Variants in EPHA6 observed in about 807,000 individuals in gnomAD.
The protein encoded by EPHA6 is ephrin type-A receptor 6.
In EPHA6, 50 loss-of-function variants were observed where a neutral mutation model predicts 112.0. The observed-to-expected ratio is 0.45, with a 90% CI of 0.36 to 0.56. The LOEUF (loss-of-function observed/expected upper bound fraction) is 0.56, where lower values mean the gene tolerates loss of function less well. Among genes scored for constraint, EPHA6 ranks in the 20% least tolerant of loss-of-function variants. The pLI is 0.00. For missense variants in EPHA6, 1,280 were observed against 1,417.4 expected, an observed-to-expected ratio of 0.90 and a Z score of 1.56; for synonymous variants, 529 against 490.7, an observed-to-expected ratio of 1.08 and a Z score of -1.03.
rs115021064 is a variant in EPHA6 at position 97,226,067 on chromosome 3, A to C, written c.1115-197A>C. 4.5e-3 allele frequency among the ~76,000 whole-genome samples: 692 copies of C among 152,284 alleles called. 5 individuals carry two copies. The highest frequency in any genetic ancestry group is 0.016 in the African/African-American group (672 of 41,550). On this transcript the variant is annotated intron_variant, in intron 3 of 17. Coordinates refer to ENST00000389672, the MANE Select transcript of EPHA6 (RefSeq NM_001080448.3). The stretch of plus-strand genomic sequence containing the variant: ...TTAAAAATTAGCAGCCTCAGCTAAA[A>C]TATGATTGCATTGTGGTTTTATTAA...
rs915477300 is a variant in EPHA6, at chr3:96,987,258, AAT to A, written c.451-71_451-70del. ...ATTTTTATTTTGGTAAAACAAAAAA[AAT>A]TGTAAGTAATCATTTCTGTTTAATC... is the stretch of plus-strand genomic sequence containing the variant. On this transcript the variant is annotated intron_variant, in intron 2 of 17. Transcript: ENST00000389672. 2.2e-6 allele frequency: 3 copies of A among 1,369,132 alleles called. No homozygotes were observed. In the African/African-American group the frequency reaches 4.4e-5, roughly 20 times the overall value. The allele number at this position is 1,369,132 out of a possible 1,614,324, so 84.8% of individuals were successfully genotyped here.
intron 2 of EPHA6, among the ~76,000 whole-genome samples, chr3:96,882,674 C>G (rs1450340284): frequency 6.6e-6 from 1 of 151,832 alleles, no homozygotes; most frequent in Admixed American, 6.6e-5. Context: ...ATCCAGGTCA[C>G]TGATAATGCT....
chr3:97,037,492 G>A (rs1270658423), intron 3 of EPHA6, among the ~76,000 whole-genome samples: 1 of 152,034 alleles, frequency 6.6e-6, no homozygotes, highest in Non-Finnish European at 1.5e-5. Flanking sequence ...GAATACTGAT[G>A]TGTCAGCAGT....
At chr3:97,645,968 G>A (rs764048484) in intron 14 of EPHA6, 3 of 467,662 alleles carry the variant, frequency 6.4e-6, no homozygotes, top group Non-Finnish European at 1.1e-5. Context: ...ATAGATAAAG[G>A]TTGGGTTTTG....
intron 5 of EPHA6, among the ~76,000 whole-genome samples, chr3:97,393,449 G>T (rs1211816186): frequency 1.3e-5 from 2 of 151,786 alleles, no homozygotes; most frequent in Non-Finnish European, 3.0e-5. Flanking sequence ...TTATCAAAGA[G>T]AAATTAAAAA....
Position 97,448,733 on chromosome 3 carries a change from A to G in EPHA6, c.1894+3A>G, listed in dbSNP as rs754000421. 6.2e-7 allele frequency: 1 copy of G among 1,612,946 alleles called. No individual in the cohort carries two copies. The highest frequency in any genetic ancestry group is 8.5e-7 in the Non-Finnish European group (1 of 1,179,118). ...TGAATTTGAAACAGGAGATGAAAGT[A>G]AGTTTCACACAAGGATATAACATAA... On this transcript the variant is annotated splice_donor_region_variant and intron_variant, in intron 7 of 17. Transcript: ENST00000389672.
At chr3:97,265,867 C>G (rs527783951) in intron 5 of EPHA6, among the ~76,000 whole-genome samples, 1 of 152,306 alleles carries the variant, frequency 6.6e-6, no homozygotes, top group African/African-American at 2.4e-5. Context: ...CTAGACAATA[C>G]GTAAATGAGT....
At chr3:97,012,012 G>T (rs2044102913) in intron 3 of EPHA6, among the ~76,000 whole-genome samples, 1 of 152,102 alleles carries the variant, frequency 6.6e-6, no homozygotes, top group Non-Finnish European at 1.5e-5. Context: ...TGGCTGCATA[G>T]TACTCCATGG....
chr3:97,517,861 T>C (rs1223090208), intron 10 of EPHA6, among the ~76,000 whole-genome samples: 2 of 152,164 alleles, frequency 1.3e-5, no homozygotes, highest in East Asian at 3.9e-4. Context: ...TCTTACTGTT[T>C]CTGGCTTATT....
chr3:96,815,466 C>T (rs1289135788), intron 1 of EPHA6, among the ~76,000 whole-genome samples: 1 of 131,890 alleles, frequency 7.6e-6, no homozygotes, highest in Non-Finnish European at 1.5e-5. Flanking sequence ...CCCACCCCTC[C>T]GGTGACTGCC....
At chr3:97,365,253 T>A (rs1054452171) in intron 5 of EPHA6, among the ~76,000 whole-genome samples, 1 of 152,130 alleles carries the variant, frequency 6.6e-6, no homozygotes, top group African/African-American at 2.4e-5. Context: ...TTAAAAAAAA[T>A]TGGAATAAAG....
chr3:97,657,329 T>C (rs2094143100), intron 14 of EPHA6, among the ~76,000 whole-genome samples: 1 of 151,770 alleles, frequency 6.6e-6, no homozygotes, highest in Non-Finnish European at 1.5e-5. Context: ...TAGAACCAAG[T>C]TGTTTTCTTA....
In EPHA6 at chr3:97,474,117, A is replaced by C. The variant is rs189085151; in HGVS notation, c.1895-1235A>C. 3.5e-3 allele frequency among the ~76,000 whole-genome samples: 530 copies of C among 151,944 alleles called. 2 individuals carry two copies. The highest frequency in any genetic ancestry group is 5.5e-3 in the Non-Finnish European group (374 of 67,836). ...TTGTAGATATGTCATTTTTATGAGA[A>C]TGCTATTACTCTGGATATGAATTTG... On this transcript the variant is annotated intron_variant, in intron 7 of 17. Coordinates refer to ENST00000389672, the MANE Select transcript of EPHA6 (RefSeq NM_001080448.3).
At chr3:97,233,732 TA>T in intron 4 of EPHA6, among the ~76,000 whole-genome samples, 1 of 152,270 alleles carries the variant, frequency 6.6e-6, no homozygotes, top group Admixed American at 6.5e-5. Context: ...TCTAGGGATT[TA>T]AAAGGAAGCA....
intron 5 of EPHA6, among the ~76,000 whole-genome samples, chr3:97,298,972 T>C (rs2080983641): frequency 6.6e-6 from 1 of 152,190 alleles, no homozygotes; most frequent in African/African-American, 2.4e-5. Flanking sequence ...ATCATTGCAT[T>C]TTTCCCACTA....
At chr3:97,404,182 A>G (rs1040514180) in intron 5 of EPHA6, among the ~76,000 whole-genome samples, 1 of 152,190 alleles carries the variant, frequency 6.6e-6, no homozygotes, top group Non-Finnish European at 1.5e-5. Flanking sequence ...CCAAAAAGCC[A>G]AAGTATAAAT....
intron 11 of EPHA6, among the ~76,000 whole-genome samples, chr3:97,563,220 G>A (rs2093216646): frequency 6.6e-6 from 1 of 152,158 alleles, no homozygotes; most frequent in Admixed American, 6.6e-5. Flanking sequence ...GAAGGTGAGG[G>A]CTGGAGACTA....
At chr3:97,599,050 T>C (rs1175790797) in intron 12 of EPHA6, among the ~76,000 whole-genome samples, 13 of 150,442 alleles carry the variant, frequency 8.6e-5, no homozygotes, top group East Asian at 1.9e-4. Context: ...GTTTTTTGGC[T>C]GCATAAATGT....
chr3:97,125,593 A>G (rs917389834), intron 3 of EPHA6, among the ~76,000 whole-genome samples: 1 of 152,148 alleles, frequency 6.6e-6, no homozygotes, highest in African/African-American at 2.4e-5. Flanking sequence ...ATTTTTTGGT[A>G]TCTTAATTTT....
Sources: allele counts gnomAD v4.1 joint callset (sites outside exome capture counted in the v4.1 genomes callset), GRCh38; gene constraint gnomAD v4.1.1; transcripts MANE v1.5; gene names NCBI Gene and HGNC (gene_info 2026-07-23, HGNC 2026-07-21).